NELL1: variants seen among roughly 807,000 people sequenced by gnomAD.
NELL1 encodes neural EGFL like 1.
A neutral mutation model predicts 107.4 loss-of-function variants in NELL1; 76 were observed. That is an observed-to-expected ratio of 0.71 (90% CI 0.59 to 0.86). The LOEUF (loss-of-function observed/expected upper bound fraction) is 0.86. Among genes scored for constraint, NELL1 ranks in the 40% least tolerant of loss-of-function variants. The pLI is 0.00. For synonymous variants in NELL1, 353 were observed against 341.2 expected, an observed-to-expected ratio of 1.03 and a Z score of -0.38; for missense variants, 1,024 against 1,005.5, an observed-to-expected ratio of 1.02 and a Z score of -0.25.
At chr11:21,441,875 A>G (rs1375126541) in intron 15 of NELL1, among the ~76,000 whole-genome samples, 1 of 152,202 alleles carries the variant, frequency 6.6e-6, no homozygotes, top group African/African-American at 2.4e-5. Flanking sequence ...TTGATTAACA[A>G]GAGCCTGACT....
At chr11:21,061,234 A>T (rs550201449) in intron 12 of NELL1, among the ~76,000 whole-genome samples, 1 of 152,194 alleles carries the variant, frequency 6.6e-6, no homozygotes, top group Non-Finnish European at 1.5e-5. Flanking sequence ...ACAGTAGGCA[A>T]ACACATAAGT....
chr11:21,165,142 G>A (rs1327113996), intron 13 of NELL1, among the ~76,000 whole-genome samples: 1 of 152,170 alleles, frequency 6.6e-6, no homozygotes, highest in Non-Finnish European at 1.5e-5. Flanking sequence ...ACCTCATGGT[G>A]CCATTCGCAG....
At chr11:20,774,317 C>G (rs1442810467) in intron 2 of NELL1, among the ~76,000 whole-genome samples, 1 of 145,710 alleles carries the variant, frequency 6.9e-6, no homozygotes, top group Non-Finnish European at 1.5e-5. Flanking sequence ...CCCTTCCTCT[C>G]CTTTCTTTTT....
chr11:21,047,497 C>T (rs1370007919), intron 12 of NELL1, among the ~76,000 whole-genome samples: 1 of 151,998 alleles, frequency 6.6e-6, no homozygotes, highest in African/African-American at 2.4e-5. Context: ...AATGTCAAGC[C>T]ATTTTGCATT....
At chr11:21,143,049 T>C (rs985409113) in intron 13 of NELL1, among the ~76,000 whole-genome samples, 3 of 152,114 alleles carry the variant, frequency 2.0e-5, no homozygotes, top group Non-Finnish European at 1.5e-5. Flanking sequence ...CCAAGTGGGA[T>C]GTAGGGAGAA....
At chr11:20,761,670 A>G (rs1856424271) in intron 2 of NELL1, among the ~76,000 whole-genome samples, 1 of 152,238 alleles carries the variant, frequency 6.6e-6, no homozygotes, top group Non-Finnish European at 1.5e-5. Context: ...AATGACTTTA[A>G]AATGTCTTCT....
At chr11:21,473,545 A>T (rs1854237489) in intron 15 of NELL1, among the ~76,000 whole-genome samples, 1 of 152,056 alleles carries the variant, frequency 6.6e-6, no homozygotes, top group Non-Finnish European at 1.5e-5. Context: ...TTCAATGATG[A>T]GGGCACCTGT....
intron 3 of NELL1, 126 bp downstream of exon 3, chr11:20,783,956 C>A: frequency 1.2e-6 from 1 of 842,522 alleles, no homozygotes; most frequent in Non-Finnish European, 1.7e-6. Flanking sequence ...TTCTGTTGAA[C>A]ACATTCATGA....
At chr11:20,777,690 G>A (rs1448272031) in intron 2 of NELL1, among the ~76,000 whole-genome samples, 1 of 152,198 alleles carries the variant, frequency 6.6e-6, no homozygotes. Context: ...ATGAGCTTAT[G>A]TGGCACTCAG....
chr11:21,393,772 T>C (rs1851928114), intron 15 of NELL1, among the ~76,000 whole-genome samples: 1 of 151,694 alleles, frequency 6.6e-6, no homozygotes, highest in African/African-American at 2.4e-5. Flanking sequence ...GGGGAACTTT[T>C]GAAAGATGAC....
At chr11:20,675,377 C>T (rs1220345929) in intron 1 of NELL1, among the ~76,000 whole-genome samples, 1 of 152,182 alleles carries the variant, frequency 6.6e-6, no homozygotes, top group Non-Finnish European at 1.5e-5. Context: ...GCTTGCATGT[C>T]ATCCGTCATC....
chr11:21,382,747 T>C (rs1219221966), intron 15 of NELL1, among the ~76,000 whole-genome samples: 1 of 151,938 alleles, frequency 6.6e-6, no homozygotes, highest in Non-Finnish European at 1.5e-5. Flanking sequence ...TAAAAGCTGT[T>C]AGAGATTACC....
chr11:21,548,950 C>G (rs1321949452), intron 16 of NELL1, among the ~76,000 whole-genome samples: 1 of 150,994 alleles, frequency 6.6e-6, no homozygotes, highest in Non-Finnish European at 1.5e-5. Context: ...AGGAATTTTA[C>G]TGTACTCCAT....
intron 14 of NELL1, among the ~76,000 whole-genome samples, chr11:21,358,555 T>G (rs935347065): frequency 6.9e-6 from 1 of 145,348 alleles, no homozygotes; most frequent in African/African-American, 2.5e-5. Context: ...CATGCCACCA[T>G]GCCCTGATAA....
chr11:20,856,312 A>G (rs961836951), intron 4 of NELL1, among the ~76,000 whole-genome samples: 2 of 152,136 alleles, frequency 1.3e-5, no homozygotes, highest in African/African-American at 4.8e-5. Context: ...GAGGGTTTTC[A>G]TTGGCAATTA....
intron 13 of NELL1, among the ~76,000 whole-genome samples, chr11:21,213,492 C>CAATTG (rs564816256): frequency 4.6e-5 from 7 of 151,806 alleles, no homozygotes; most frequent in East Asian, 1.9e-4. Flanking sequence ...TCGACTGAAT[C>CAATTG]AATTGAATTG....
At chr11:21,059,587 G>A (rs768339477) in intron 12 of NELL1, among the ~76,000 whole-genome samples, 21 of 152,176 alleles carry the variant, frequency 1.4e-4, no homozygotes, top group Non-Finnish European at 2.6e-4. Context: ...CCAATTTGGA[G>A]AAATTAAGAG....
rs74826091 is a variant in NELL1 at position 20,802,381 on chromosome 11, C to T, written c.335+18551C>T. Among the ~76,000 whole-genome samples the T allele has an allele frequency of 6.6e-3, 983 of 149,228 alleles. 8 individuals are homozygous for T. Among genetic ancestry groups the T allele is most frequent in the African/African-American group, 0.023 (946 of 40,810 alleles). On this transcript the variant is annotated intron_variant, in intron 3 of 19. Coordinates refer to ENST00000357134, the MANE Select transcript of NELL1 (RefSeq NM_006157.5). ...TACTTTCTTGATTTCTTTTTCAGATCGTTCATTGTTGGTGTACAGAAATGC... is the reference window on the plus strand; with the variant it reads ...TACTTTCTTGATTTCTTTTTCAGATTGTTCATTGTTGGTGTACAGAAATGC...
At chr11:20,826,868 A>G (rs1857896448) in intron 3 of NELL1, among the ~76,000 whole-genome samples, 1 of 151,190 alleles carries the variant, frequency 6.6e-6, no homozygotes, top group Admixed American at 6.7e-5. Flanking sequence ...GAGAGATTAT[A>G]TTTAGCTGAG....
Sources: allele counts gnomAD v4.1 joint callset (sites outside exome capture counted in the v4.1 genomes callset), GRCh38; gene constraint gnomAD v4.1.1; transcripts MANE v1.5; gene names NCBI Gene and HGNC (gene_info 2026-07-23, HGNC 2026-07-21).